The following DIAPH3 variants were observed in gnomAD, a reference collection of about 807,000 sequenced individuals.
DIAPH3 encodes protein diaphanous homolog 3.
Under a neutral mutation model 144.3 loss-of-function variants are expected in DIAPH3, and 117 were observed. The ratio of observed to expected loss-of-function variants is 0.81; its 90% CI spans 0.70 to 0.95. The LOEUF is 0.95. DIAPH3 is among the 40% of genes least tolerant of loss of function. DIAPH3 has a pLI of 0.00. For missense variants in DIAPH3, 1,421 were observed against 1,412.7 expected, an observed-to-expected ratio of 1.01 and a Z score of -0.09; for synonymous variants, 519 against 488.9, an observed-to-expected ratio of 1.06 and a Z score of -0.81.
At chr13:59,845,571 T>C (rs1398551844) in intron 22 of DIAPH3, among the ~76,000 whole-genome samples, 1 of 152,134 alleles carries the variant, frequency 6.6e-6, no homozygotes, top group Non-Finnish European at 1.5e-5. Flanking sequence ...TCCTGCCAAA[T>C]ATTCATCTCC....
rs557924829 is a variant in DIAPH3, at chr13:59,811,668, C to T, written c.3028-745G>A. Among the ~76,000 whole-genome samples the T allele has an allele frequency of 3.1e-3, 433 of 140,602 alleles. 1 individual carries two copies. The highest frequency in any genetic ancestry group is 0.011 in the African/African-American group (398 of 37,348). The allele number at this position is 140,602 out of a possible 152,430, so 92.2% of individuals were successfully genotyped here. Reference sequence around the variant, plus strand: ...AGGAGAATGGTGTGAACCCAGGAGGCAGAGCTTGCAGTGAGCCGAGATCGC... The same window carrying T: ...AGGAGAATGGTGTGAACCCAGGAGGTAGAGCTTGCAGTGAGCCGAGATCGC... On this transcript the variant is annotated intron_variant, in intron 24 of 27. Coordinates refer to ENST00000400324, the MANE Select transcript of DIAPH3 (RefSeq NM_001042517.2).
At chr13:59,837,681 A>T (rs2042109664) in intron 23 of DIAPH3, 1 of 152,028 alleles carries the variant, frequency 6.6e-6, no homozygotes, top group Admixed American at 6.6e-5. Context: ...ATATAACTGC[A>T]ATAATATATT....
chr13:59,795,992 T>G (rs1207458545), intron 25 of DIAPH3, among the ~76,000 whole-genome samples: 1 of 152,172 alleles, frequency 6.6e-6, no homozygotes, highest in African/African-American at 2.4e-5. Flanking sequence ...ATTTGCTACT[T>G]CATTAACAGC....
At chr13:60,162,783 A>ACTCTCT (rs148955859) in intron 1 of DIAPH3, among the ~76,000 whole-genome samples, 55 of 132,952 alleles carry the variant, frequency 4.1e-4, no homozygotes, top group South Asian at 1.3e-3. Flanking sequence ...CAAATGCTGT[A>ACTCTCT]CTCTCTCTCT....
chr13:59,756,634 G>A (rs1427161042), intron 27 of DIAPH3, among the ~76,000 whole-genome samples: 2 of 152,106 alleles, frequency 1.3e-5, no homozygotes, highest in African/African-American at 4.8e-5. Context: ...ATGGCATCAT[G>A]TAGACTAAGG....
At chr13:60,052,959 TAAAAAAAA>T (rs559991017) in intron 4 of DIAPH3, among the ~76,000 whole-genome samples, 2 of 40,660 alleles carry the variant, frequency 4.9e-5, no homozygotes, top group Non-Finnish European at 8.0e-5. Flanking sequence ...GACTCCCTCT[TAAAAAAAA>T]AAAAAAAAAA....
In DIAPH3 at chr13:59,992,017, T is replaced by A; in HGVS notation, c.1244+51A>T. Reference sequence around the variant, plus strand: ...ATATTTGTGGCTGAGTATTTTGGATTTAGCAATAATTTTATATATGATTTG... The same window carrying A: ...ATATTTGTGGCTGAGTATTTTGGATATAGCAATAATTTTATATATGATTTG... On this transcript the variant is annotated intron_variant, in intron 11 of 27. Transcript: ENST00000400324. 3.4e-6 allele frequency: 5 copies of A among 1,452,458 alleles called. No homozygotes were observed. The African/African-American group carries it at 4.2e-5, about 12-fold the overall frequency. 90.0% of individuals were successfully genotyped at this position (1,452,458 alleles called of 1,614,324 possible). A position where few individuals can be genotyped will look rare whatever the true frequency, so the allele number is the denominator to read the frequency against.
chr13:60,068,253 T>C (rs1335658219), intron 4 of DIAPH3, among the ~76,000 whole-genome samples: 1 of 152,194 alleles, frequency 6.6e-6, no homozygotes, highest in Non-Finnish European at 1.5e-5. Flanking sequence ...TCAATGAGAA[T>C]GCATATTTTC....
chr13:59,882,507 A>G (rs1418891474), intron 20 of DIAPH3, among the ~76,000 whole-genome samples: 1 of 152,166 alleles, frequency 6.6e-6, no homozygotes, highest in Admixed American at 6.5e-5. Context: ...CCGCATCCTC[A>G]CCACTTCTCA....
At chr13:59,728,930 G>A (rs945231150) in intron 27 of DIAPH3, among the ~76,000 whole-genome samples, 1 of 151,912 alleles carries the variant, frequency 6.6e-6, no homozygotes, top group Admixed American at 6.5e-5. Flanking sequence ...GGCTGTGGGA[G>A]GATAAATCAG....
chr13:59,999,336 T>C (rs892669933), intron 9 of DIAPH3, among the ~76,000 whole-genome samples: 4 of 152,174 alleles, frequency 2.6e-5, no homozygotes, highest in Non-Finnish European at 4.4e-5. Context: ...TATAAAAATA[T>C]TGCTTTTTCT....
chr13:60,066,093 A>G (rs2056952640), intron 4 of DIAPH3, among the ~76,000 whole-genome samples: 1 of 152,182 alleles, frequency 6.6e-6, no homozygotes, highest in African/African-American at 2.4e-5. Flanking sequence ...TGTCATTTGC[A>G]CTCAATAACA....
At chr13:59,731,979 C>CTAAA (rs2035911424) in intron 27 of DIAPH3, among the ~76,000 whole-genome samples, 1 of 152,002 alleles carries the variant, frequency 6.6e-6, no homozygotes, top group African/African-American at 2.4e-5. Flanking sequence ...ATTCACTGTG[C>CTAAA]TAAACTATGC....
chr13:59,940,134 G>A (rs559559972), intron 17 of DIAPH3, among the ~76,000 whole-genome samples: 2 of 152,162 alleles, frequency 1.3e-5, no homozygotes, highest in South Asian at 2.1e-4. Context: ...TAAAAAGAAC[G>A]TACTTAACAG....
At chr13:60,098,101 T>A (rs1186240956) in intron 3 of DIAPH3, among the ~76,000 whole-genome samples, 1 of 152,166 alleles carries the variant, frequency 6.6e-6, no homozygotes, top group Admixed American at 6.5e-5. Flanking sequence ...GAGCAAGTTA[T>A]CATTTTTTAT....
chr13:60,090,111 A>T (rs1802837763), intron 4 of DIAPH3, among the ~76,000 whole-genome samples: 1 of 152,152 alleles, frequency 6.6e-6, no homozygotes, highest in South Asian at 2.1e-4. Flanking sequence ...CCAACTCTGG[A>T]TCCTTTCATG....
intron 2 of DIAPH3, among the ~76,000 whole-genome samples, chr13:60,131,479 A>T (rs2059140022): frequency 6.6e-6 from 1 of 151,196 alleles, no homozygotes; most frequent in Non-Finnish European, 1.5e-5. Flanking sequence ...GTACTGATAC[A>T]TGCAACAATG....
At chr13:59,726,791 G>A (rs1566228312) in intron 27 of DIAPH3, among the ~76,000 whole-genome samples, 1 of 152,098 alleles carries the variant, frequency 6.6e-6, no homozygotes, top group Non-Finnish European at 1.5e-5. Context: ...GTAATTGAGT[G>A]TTAAAATGCA....
chr13:59,786,394 T>C (rs2039030455), intron 25 of DIAPH3, among the ~76,000 whole-genome samples: 2 of 152,178 alleles, frequency 1.3e-5, no homozygotes, highest in South Asian at 4.1e-4. Context: ...ATTTTAACTA[T>C]ATACACAACC....
Sources: allele counts gnomAD v4.1 joint callset (sites outside exome capture counted in the v4.1 genomes callset), GRCh38; gene constraint gnomAD v4.1.1; transcripts MANE v1.5; gene names NCBI Gene and HGNC (gene_info 2026-07-23, HGNC 2026-07-21).